ZSCAN30: variants seen among roughly 807,000 people sequenced by gnomAD.
The protein encoded by ZSCAN30 is zinc finger and SCAN domain-containing protein 30.
A neutral mutation model predicts 44.3 loss-of-function variants in ZSCAN30; 37 were observed. The ratio of observed to expected loss-of-function variants is 0.84; its 90% CI spans 0.64 to 1.10. ZSCAN30 has a LOEUF of 1.10. Among genes scored for constraint, ZSCAN30 ranks in the 50% least tolerant of loss-of-function variants. The probability of loss-of-function intolerance (pLI) is 0.00; values close to 1 mark genes in which losing one functional copy is unlikely to be tolerated. For synonymous variants in ZSCAN30, 181 were observed against 204.6 expected, an observed-to-expected ratio of 0.88 and a Z score of 0.98; for missense variants, 549 against 582.6, an observed-to-expected ratio of 0.94 and a Z score of 0.59.
At chr18:35,270,742 T>C (rs2044253449) in intron 1 of ZSCAN30, among the ~76,000 whole-genome samples, 1 of 152,176 alleles carries the variant, frequency 6.6e-6, no homozygotes, top group Admixed American at 6.5e-5. Context: ...CACTACTGTG[T>C]CCAGAATTGG....
At chr18:35,285,686 A>G (rs1177865863) in intron 1 of ZSCAN30, among the ~76,000 whole-genome samples, 1 of 152,168 alleles carries the variant, frequency 6.6e-6, no homozygotes, top group African/African-American at 2.4e-5. Flanking sequence ...ACACATCAGA[A>G]TTTGTGAGAT....
intron 1 of ZSCAN30, among the ~76,000 whole-genome samples, chr18:35,272,731 C>A (rs1201251916): frequency 6.6e-6 from 1 of 152,172 alleles, no homozygotes; most frequent in Non-Finnish European, 1.5e-5. Context: ...CTGTATTAGT[C>A]CGTTTTCACG....
At chr18:35,276,784 CCA>C (rs771406379) in intron 1 of ZSCAN30, among the ~76,000 whole-genome samples, 29 of 152,212 alleles carry the variant, frequency 1.9e-4, no homozygotes, top group Non-Finnish European at 3.4e-4. Context: ...GATGGAGTCC[CCA>C]CACAGAGTCC....
rs757910262 is a variant in ZSCAN30, at chr18:35,264,228, C to A, written c.125G>T (p.Trp42Leu). 2 of 1,614,078 alleles carry A rather than the reference C, an allele frequency of 1.2e-6. No homozygotes were observed. Among genetic ancestry groups the A allele is most frequent in the African/African-American group, 2.7e-5 (2 of 74,942 alleles). Reference sequence around the variant, plus strand: ...CTTCTGCCGGAATACCTCTTGGCTCCAGGGGTTTTCCTGAAGGCCAAAGTC... The same window carrying A: ...CTTCTGCCGGAATACCTCTTGGCTCAAGGGGTTTTCCTGAAGGCCAAAGTC... ...DQDFGLQENPWSQEVFRQKFR... is the reference protein window; with the variant it reads ...DQDFGLQENPLSQEVFRQKFR... The change falls in exon 2 of 4, where the codon TGG becomes TTG. Residue 42 changes from tryptophan (W) to leucine (L), a missense_variant. Trp to Leu is a moderately conservative substitution (Grantham distance 61, BLOSUM62 -2). Transcript: ENST00000333206.
At chr18:35,257,848 C>A in intron 3 of ZSCAN30, 2 of 780,322 alleles carry the variant, frequency 2.6e-6, no homozygotes, top group Non-Finnish European at 4.8e-6. Flanking sequence ...AAGGATTAGA[C>A]CAAGCCTAGA....
At chr18:35,287,439 A>G (rs2044570818) in intron 1 of ZSCAN30, among the ~76,000 whole-genome samples, 1 of 152,086 alleles carries the variant, frequency 6.6e-6, no homozygotes, top group African/African-American at 2.4e-5. Context: ...TGTTGGACTA[A>G]AGAGACAAGT....
rs199864514 is a variant in ZSCAN30 at position 35,290,218 on chromosome 18, G to A, written c.-238C>T. 5 of 152,406 alleles carry A rather than the reference G, an allele frequency of 3.3e-5. No individual in the cohort carries two copies. The East Asian group carries it at 7.8e-4, about 24-fold the overall frequency. The allele number at this position is 152,406 out of a possible 1,614,324, so 9.4% of individuals were successfully genotyped here. A position where few individuals can be genotyped will look rare whatever the true frequency, so the allele number is the denominator to read the frequency against. ...GGCACTGCTAGGGACAGCTCGCGGCGGTTCGGGGGTTAATTCTCGGCAGCC... is the reference window on the plus strand; with the variant it reads ...GGCACTGCTAGGGACAGCTCGCGGCAGTTCGGGGGTTAATTCTCGGCAGCC... On this transcript the variant is annotated 5_prime_UTR_variant, in exon 1 of 4. Coordinates refer to ENST00000333206, the MANE Select transcript of ZSCAN30 (RefSeq NM_001112734.4).
In ZSCAN30 at chr18:35,259,764, C is replaced by T. The variant is rs527507831; in HGVS notation, c.553+3749G>A. 75 of 154,170 alleles carry T rather than the reference C, an allele frequency of 4.9e-4. 1 individual carries two copies. Among genetic ancestry groups the T allele is most frequent in the African/African-American group, 1.7e-3 (70 of 41,608 alleles). 9.6% of individuals were successfully genotyped at this position (154,170 alleles called of 1,614,324 possible). A position where few individuals can be genotyped will look rare whatever the true frequency, so the allele number is the denominator to read the frequency against. Reference sequence around the variant, plus strand: ...AGAAACACTTACCACAGTCTCTGTTCCTTAAGATTTTAAAAAAAGAAAGTA... The same window carrying T: ...AGAAACACTTACCACAGTCTCTGTTTCTTAAGATTTTAAAAAAAGAAAGTA... On this transcript the variant is annotated intron_variant, in intron 3 of 3. Coordinates refer to ENST00000333206, the MANE Select transcript of ZSCAN30 (RefSeq NM_001112734.4).
chr18:35,285,849 A>G (rs1347177952), intron 1 of ZSCAN30, among the ~76,000 whole-genome samples: 1 of 152,142 alleles, frequency 6.6e-6, no homozygotes, highest in African/African-American at 2.4e-5. Context: ...AAAAGGAAAT[A>G]ATAAGGAACA....
Position 35,252,606 on chromosome 18 carries a change from C to T in ZSCAN30, c.*844G>A, listed in dbSNP as rs1184715389. On this transcript the variant is annotated 3_prime_UTR_variant, in exon 4 of 4. Coordinates refer to ENST00000333206, the MANE Select transcript of ZSCAN30 (RefSeq NM_001112734.4). ...TCTTCTCCCCTGCCCTTGCTACCTTCTACCCACCTTTATGTCTGAGATACC... is the reference window on the plus strand; with the variant it reads ...TCTTCTCCCCTGCCCTTGCTACCTTTTACCCACCTTTATGTCTGAGATACC... 1.3e-5 allele frequency: 2 copies of T among 152,310 alleles called. No homozygotes were observed. Among genetic ancestry groups the T allele is most frequent in the South Asian group, 2.1e-4 (1 of 4,828 alleles). 9.4% of individuals were successfully genotyped at this position (152,310 alleles called of 1,614,324 possible). A position where few individuals can be genotyped will look rare whatever the true frequency, so the allele number is the denominator to read the frequency against.
In ZSCAN30 at chr18:35,273,850, G is replaced by A. The variant is rs928045092; in HGVS notation, c.-103-9395C>T. 2.6e-5 allele frequency among the ~76,000 whole-genome samples: 4 copies of A among 152,196 alleles called. No homozygotes were observed. In the East Asian group the frequency reaches 7.7e-4, roughly 29 times the overall value. On this transcript the variant is annotated intron_variant, in intron 1 of 3. Transcript: ENST00000333206. ...TTTCAATCTTGTCTTTTACGTCCCT[G>A]AATAAAAAACAGTATTTTATCCAAA...
At chr18:35,256,054 A>C (rs1454953389) in intron 3 of ZSCAN30, among the ~76,000 whole-genome samples, 2 of 152,162 alleles carry the variant, frequency 1.3e-5, no homozygotes, top group Non-Finnish European at 2.9e-5. Context: ...GAAAATTAGA[A>C]AAGCAATGTA....
At chr18:35,274,964 T>A (rs939071842) in intron 1 of ZSCAN30, among the ~76,000 whole-genome samples, 2 of 152,220 alleles carry the variant, frequency 1.3e-5, no homozygotes, top group Non-Finnish European at 2.9e-5. Flanking sequence ...TTATATATAT[T>A]GGGCTTTACT....
chr18:35,287,299 G>C (rs750784132), intron 1 of ZSCAN30, among the ~76,000 whole-genome samples: 10 of 152,014 alleles, frequency 6.6e-5, no homozygotes, highest in Non-Finnish European at 1.5e-4. Context: ...CTTCTTTGTA[G>C]AAGTTGACAA....
At chr18:35,270,235 A>T (rs367974104) in intron 1 of ZSCAN30, 7 of 139,678 alleles carry the variant, frequency 5.0e-5, no homozygotes, top group African/African-American at 1.9e-4. Context: ...TGAATGCGAA[A>T]GTATATGGGA....
At chr18:35,261,442 G>T (rs2044027952) in intron 3 of ZSCAN30, 5 of 152,136 alleles carry the variant, frequency 3.3e-5, no homozygotes, top group Admixed American at 2.6e-4. Context: ...ATTACTTTGG[G>T]CAGTATGGCC....
At chr18:35,282,843 T>C (rs9949546) in intron 1 of ZSCAN30, 129,659 of 152,226 alleles carry the variant, frequency 0.85, 55,992 homozygotes, top group Non-Finnish European at 0.93. Flanking sequence ...AGCCTGACCT[T>C]GACTTCTCCC....
intron 1 of ZSCAN30, among the ~76,000 whole-genome samples, chr18:35,274,402 T>C (rs2044336263): frequency 6.6e-6 from 1 of 152,194 alleles, no homozygotes; most frequent in South Asian, 2.1e-4. Context: ...GCTCCAATAA[T>C]TGTTGGTCAT....
chr18:35,271,753 G>GT, intron 1 of ZSCAN30, among the ~76,000 whole-genome samples: 1 of 152,320 alleles, frequency 6.6e-6, no homozygotes, highest in East Asian at 1.9e-4. Flanking sequence ...ATTGCGGGGA[G>GT]GGGGGGCGCT....
Sources: allele counts gnomAD v4.1 joint callset (sites outside exome capture counted in the v4.1 genomes callset), GRCh38; gene constraint gnomAD v4.1.1; transcripts MANE v1.5; gene names NCBI Gene and HGNC (gene_info 2026-07-23, HGNC 2026-07-21).